PXDNL: variants seen among roughly 807,000 people sequenced by gnomAD.
PXDNL encodes the protein peroxidasin like, also known as probable oxidoreductase PXDNL.
Under a neutral mutation model 150.8 loss-of-function variants are expected in PXDNL, and 145 were observed. That is an observed-to-expected ratio of 0.96 (90% CI 0.84 to 1.10). PXDNL has a LOEUF of 1.10. Ranked by LOEUF, PXDNL falls within the 50% of genes least tolerant of loss-of-function variation. PXDNL has a pLI of 0.00. For synonymous variants in PXDNL, 757 were observed against 725.7 expected, an observed-to-expected ratio of 1.04 and a Z score of -0.69; for missense variants, 2,087 against 1,873.9, an observed-to-expected ratio of 1.11 and a Z score of -2.10.
intron 9 of PXDNL, among the ~76,000 whole-genome samples, chr8:51,455,573 C>A (rs957414108): frequency 1.3e-5 from 2 of 151,876 alleles, no homozygotes; most frequent in Admixed American, 6.6e-5. Flanking sequence ...GGGAGGACAG[C>A]GCTATAAGGA....
At chr8:51,663,905 GCCAGACATGGTGGCACACGC>G (rs1269642768) in intron 1 of PXDNL, among the ~76,000 whole-genome samples, 4 of 152,052 alleles carry the variant, frequency 2.6e-5, no homozygotes, top group Non-Finnish European at 5.9e-5. Context: ...ATAAACATTA[GCCAGACATGGTGGCACACGC>G]CCATGATCCC....
At chr8:51,564,244 C>T (rs1407546868) in intron 3 of PXDNL, among the ~76,000 whole-genome samples, 5 of 151,840 alleles carry the variant, frequency 3.3e-5, no homozygotes, top group South Asian at 4.1e-4. Flanking sequence ...CAAAGTCTAA[C>T]GGGATTATGT....
chr8:51,726,411 T>C (rs191950009), intron 1 of PXDNL, among the ~76,000 whole-genome samples: 98 of 152,298 alleles, frequency 6.4e-4, no homozygotes, highest in Middle Eastern at 6.8e-3. Context: ...ATGGAATTCA[T>C]TGAAAGGCCC....
chr8:51,403,320 G>T (rs2130869883), intron 17 of PXDNL, among the ~76,000 whole-genome samples: 1 of 152,182 alleles, frequency 6.6e-6, no homozygotes. Context: ...AATCCTTCTG[G>T]CAAATGCTGT....
intron 5 of PXDNL, among the ~76,000 whole-genome samples, chr8:51,490,980 G>A (rs973656325): frequency 6.6e-6 from 1 of 152,084 alleles, no homozygotes; most frequent in African/African-American, 2.4e-5. Context: ...TCAGTGAACT[G>A]GGAAAGGCAG....
intron 4 of PXDNL, among the ~76,000 whole-genome samples, chr8:51,505,836 G>A (rs1479098984): frequency 6.6e-6 from 1 of 152,170 alleles, no homozygotes; most frequent in East Asian, 1.9e-4. Flanking sequence ...CACAGGCTGG[G>A]TGCATTGAGA....
intron 17 of PXDNL, among the ~76,000 whole-genome samples, chr8:51,404,924 T>TG (rs1169754464): frequency 6.6e-6 from 1 of 152,076 alleles, no homozygotes; most frequent in African/African-American, 2.4e-5. Flanking sequence ...CGGCAAGGGT[T>TG]GGGGGAGGCT....
At chr8:51,405,185 G>A (rs1008808295) in intron 17 of PXDNL, among the ~76,000 whole-genome samples, 1 of 152,172 alleles carries the variant, frequency 6.6e-6, no homozygotes, top group African/African-American at 2.4e-5. Context: ...GCAAGCAGAG[G>A]GAGCCGGCTT....
intron 1 of PXDNL, among the ~76,000 whole-genome samples, chr8:51,696,785 ACCCACCCACACATAGG>A (rs1816147123): frequency 9.2e-6 from 1 of 108,220 alleles, no homozygotes; most frequent in Non-Finnish European, 2.0e-5. Context: ...CCACACACAT[ACCCACCCACACATAGG>A]TCTTCACACA....
At position 51,720,508 on chromosome 8, in the gene PXDNL, G is replaced by T. The variant is rs148949786; in HGVS notation, c.165-65748C>A. On this transcript the variant is annotated intron_variant, in intron 1 of 22. Transcript: ENST00000356297. ...TGTGAATAAGTATGTTCTTTTTTGA[G>T]AATTTATACATAGTATTTTTATTTT... is the stretch of plus-strand genomic sequence containing the variant. Among the ~76,000 whole-genome samples, 674 of 152,068 alleles carry T rather than the reference G, an allele frequency of 4.4e-3. 6 individuals are homozygous for T. Among genetic ancestry groups the T allele is most frequent in the African/African-American group, 0.012 (518 of 41,472 alleles).
At chr8:51,789,511 G>C (rs2037491507) in intron 1 of PXDNL, among the ~76,000 whole-genome samples, 1 of 152,156 alleles carries the variant, frequency 6.6e-6, no homozygotes, top group Non-Finnish European at 1.5e-5. Context: ...GGAAAACCCA[G>C]AGGCTTGGGG....
At chr8:51,639,701 G>T (rs954964743) in intron 2 of PXDNL, among the ~76,000 whole-genome samples, 2 of 152,010 alleles carry the variant, frequency 1.3e-5, no homozygotes, top group African/African-American at 4.8e-5. Context: ...TGAAATTGTG[G>T]CAATAATCAA....
chr8:51,780,784 C>T (rs1244847560), intron 1 of PXDNL, among the ~76,000 whole-genome samples: 4 of 151,414 alleles, frequency 2.6e-5, no homozygotes, highest in African/African-American at 4.9e-5. Flanking sequence ...CTCAGCTTCC[C>T]GAGTAGCTGG....
chr8:51,685,086 C>T (rs1473719186), intron 1 of PXDNL, among the ~76,000 whole-genome samples: 1 of 152,216 alleles, frequency 6.6e-6, no homozygotes, highest in South Asian at 2.1e-4. Flanking sequence ...CAGACAATTT[C>T]TGTTTGTTTT....
intron 19 of PXDNL, among the ~76,000 whole-genome samples, chr8:51,360,061 A>G (rs1179716966): frequency 6.6e-6 from 1 of 150,842 alleles, no homozygotes; most frequent in African/African-American, 2.5e-5. Context: ...AAAAAAAAGC[A>G]ATGAGTAGTA....
chr8:51,586,521 C>T (rs936076628), intron 3 of PXDNL, among the ~76,000 whole-genome samples: 6 of 152,148 alleles, frequency 3.9e-5, no homozygotes, highest in Non-Finnish European at 8.8e-5. Flanking sequence ...TTAAGATTGT[C>T]ATTAAAACCC....
chr8:51,352,063 C>T (rs928477214), intron 19 of PXDNL, among the ~76,000 whole-genome samples: 2 of 152,000 alleles, frequency 1.3e-5, no homozygotes, highest in African/African-American at 4.8e-5. Context: ...GGCGTGACTC[C>T]TCAGGGTTAC....
At chr8:51,388,866 T>C (rs1442115712) in intron 17 of PXDNL, among the ~76,000 whole-genome samples, 2 of 152,202 alleles carry the variant, frequency 1.3e-5, no homozygotes, top group African/African-American at 4.8e-5. Flanking sequence ...TACTGAGATC[T>C]TAATTTAAAT....
At position 51,608,002 on chromosome 8, in the gene PXDNL, G is replaced by GAAGAAAGAAAGA. The variant is rs71237219; in HGVS notation, c.237-15316_237-15305dup. On this transcript the variant is annotated intron_variant, in intron 2 of 22. Transcript: ENST00000356297. Reference sequence around the variant, plus strand: ...GGAAGGAAGAGAGAGAGGAAGGAAGGAAGAAAGAAAGAAAGAAAGAAAGAA... The same window carrying GAAGAAAGAAAGA: ...GGAAGGAAGAGAGAGAGGAAGGAAGGAAGAAAGAAAGAAAGAAAGAAAGAAAGAAAGAAAGAA... 5.8e-3 allele frequency among the ~76,000 whole-genome samples: 375 copies of GAAGAAAGAAAGA among 64,134 alleles called. 11 individuals carry two copies. Among genetic ancestry groups the GAAGAAAGAAAGA allele is most frequent in the Non-Finnish European group, 6.8e-3 (239 of 35,298 alleles). 42.1% of individuals were successfully genotyped at this position (64,134 alleles called of 152,430 possible). A position where few individuals can be genotyped will look rare whatever the true frequency, so the allele number is the denominator to read the frequency against.
Sources: allele counts gnomAD v4.1 joint callset (sites outside exome capture counted in the v4.1 genomes callset), GRCh38; gene constraint gnomAD v4.1.1; transcripts MANE v1.5; gene names NCBI Gene and HGNC (gene_info 2026-07-23, HGNC 2026-07-21).